Variants in ZBTB20 observed in about 807,000 individuals in gnomAD.
The protein encoded by ZBTB20 is zinc finger and BTB domain-containing protein 20.
Under a neutral mutation model 56.9 loss-of-function variants are expected in ZBTB20, and 9 were observed. The ratio of observed to expected loss-of-function variants is 0.16; its 90% CI spans 0.10 to 0.28. The LOEUF is 0.28. Ranked by LOEUF, ZBTB20 falls within the 10% of genes least tolerant of loss-of-function variation. The pLI is 1.00. For synonymous variants in ZBTB20, 417 were observed against 420.7 expected, an observed-to-expected ratio of 0.99 and a Z score of 0.11; for missense variants, 655 against 1,003.0, an observed-to-expected ratio of 0.65 and a Z score of 4.69.
At chr3:114,804,524 C>T (rs1335096057) in intron 4 of ZBTB20, among the ~76,000 whole-genome samples, 1 of 151,878 alleles carries the variant, frequency 6.6e-6, no homozygotes, top group Non-Finnish European at 1.5e-5. Flanking sequence ...TTTATTCAGA[C>T]ATTGTGCAGA....
chr3:114,688,140 G>C (rs2062462707), intron 6 of ZBTB20: 1 of 152,110 alleles, frequency 6.6e-6, no homozygotes, highest in South Asian at 2.1e-4. Context: ...TAAGGCACAA[G>C]AATCACTTGA....
chr3:114,510,025 C>T (rs1295045022), intron 6 of ZBTB20, among the ~76,000 whole-genome samples: 3 of 152,046 alleles, frequency 2.0e-5, no homozygotes, highest in Non-Finnish European at 2.9e-5. Flanking sequence ...GCAGGGAACC[C>T]GCAGCAGTCT....
In ZBTB20 at chr3:114,330,444, C is replaced by T. The variant is rs548006882; in HGVS notation, c.*8561G>A. ...TATGTCCTAGGTTTCAGAAATACTG[C>T]AATGTAGTGTATTGTAGTTAAGTAA... On this transcript the variant is annotated 3_prime_UTR_variant, in exon 12 of 12. Coordinates refer to ENST00000675478, the MANE Select transcript of ZBTB20 (RefSeq NM_001348800.3). 6.6e-6 allele frequency: 1 copy of T among 152,186 alleles called. No individual in the cohort carries two copies. The highest frequency in any genetic ancestry group is 2.1e-4 in the South Asian group (1 of 4,808). 9.4% of individuals were successfully genotyped at this position (152,186 alleles called of 1,614,324 possible). A position where few individuals can be genotyped will look rare whatever the true frequency, so the allele number is the denominator to read the frequency against.
In ZBTB20 at chr3:114,351,323, A is replaced by G. The variant is rs2080651935; in HGVS notation, c.755T>C (p.Met252Thr). ...AGAGCGCTCGCCGCTGCCATTCTGC[A>G]TGGAGCACGCGTAGAGTGCCGAGTA... Reference protein sequence around the residue: ...RIYSALYACSMQNGSGERSFY... With the variant: ...RIYSALYACSTQNGSGERSFY... The change falls in exon 11 of 12, where the codon ATG (methionine) becomes ACG (threonine). Residue 252 changes from methionine (M) to threonine (T), a missense_variant. Met to Thr is a moderately conservative substitution (Grantham distance 81). This residue lies in a region of ZBTB20 where 167 missense variants were observed against 281.9 expected (regional missense o/e 0.59). Transcript: ENST00000675478. 1.2e-6 allele frequency: 2 copies of G among 1,607,552 alleles called. No homozygotes were observed. The highest frequency in any genetic ancestry group is 8.5e-7 in the Non-Finnish European group (1 of 1,178,964).
chr3:114,913,915 T>C (rs899948119), intron 3 of ZBTB20, among the ~76,000 whole-genome samples: 3 of 151,948 alleles, frequency 2.0e-5, no homozygotes, highest in Non-Finnish European at 4.4e-5. Flanking sequence ...TGCTTCTGGG[T>C]TCTCTATTCT....
At chr3:114,520,521 G>T (rs573505773) in intron 6 of ZBTB20, among the ~76,000 whole-genome samples, 1 of 152,266 alleles carries the variant, frequency 6.6e-6, no homozygotes, top group South Asian at 2.1e-4. Context: ...TGGTTTGAGG[G>T]ATGAGTGGGA....
chr3:114,947,559 G>A (rs2076925458), intron 3 of ZBTB20, among the ~76,000 whole-genome samples: 1 of 145,874 alleles, frequency 6.9e-6, no homozygotes, highest in Non-Finnish European at 1.5e-5. Flanking sequence ...CAGAAACAGA[G>A]ACAAATGTCC....
At chr3:114,636,507 C>T (rs922075915) in intron 6 of ZBTB20, among the ~76,000 whole-genome samples, 11 of 151,878 alleles carry the variant, frequency 7.2e-5, no homozygotes, top group African/African-American at 1.9e-4. Flanking sequence ...TATAAAAAGA[C>T]GTAAATTGTG....
intron 6 of ZBTB20, among the ~76,000 whole-genome samples, chr3:114,666,604 A>T (rs555657020): frequency 6.6e-6 from 1 of 152,158 alleles, no homozygotes; most frequent in Admixed American, 6.6e-5. Flanking sequence ...AGAATCTAAG[A>T]ACAGTGATCC....
chr3:114,921,004 A>G (rs1440045109), intron 3 of ZBTB20, among the ~76,000 whole-genome samples: 1 of 152,248 alleles, frequency 6.6e-6, no homozygotes. Flanking sequence ...ATAAGTTCCT[A>G]GAAACATATA....
chr3:114,930,974 A>T (rs2076337591), intron 3 of ZBTB20: 1 of 177,826 alleles, frequency 5.6e-6, no homozygotes, highest in Non-Finnish European at 1.3e-5. Context: ...TTACCAGTAG[A>T]ATTACCAGAA....
intron 3 of ZBTB20, among the ~76,000 whole-genome samples, chr3:114,967,283 G>A (rs941052761): frequency 2.6e-5 from 4 of 151,932 alleles, no homozygotes; most frequent in Non-Finnish European, 5.9e-5. Context: ...GTTATACTTG[G>A]TGTTATTTTC....
chr3:114,887,367 A>G (rs2076639921), intron 4 of ZBTB20, among the ~76,000 whole-genome samples: 1 of 152,184 alleles, frequency 6.6e-6, no homozygotes, highest in South Asian at 2.1e-4. Flanking sequence ...AGTCCCCAAA[A>G]TTTCATGTTC....
At chr3:114,837,274 C>T (rs932346717) in intron 4 of ZBTB20, among the ~76,000 whole-genome samples, 1 of 152,188 alleles carries the variant, frequency 6.6e-6, no homozygotes, top group African/African-American at 2.4e-5. Context: ...TGAGTATGCA[C>T]ATGTACCTGT....
intron 4 of ZBTB20, among the ~76,000 whole-genome samples, chr3:114,847,151 C>T (rs1047984872): frequency 8.5e-5 from 13 of 152,076 alleles, no homozygotes; most frequent in Non-Finnish European, 1.3e-4. Context: ...ATAAAGGAAT[C>T]GGACTAATTT....
intron 6 of ZBTB20, among the ~76,000 whole-genome samples, chr3:114,501,069 G>A (rs2043894930): frequency 1.3e-5 from 2 of 152,158 alleles, no homozygotes; most frequent in Non-Finnish European, 2.9e-5. Flanking sequence ...ATACATTCGT[G>A]TGTAGCTAAG....
At chr3:114,845,411 C>T (rs528624036) in intron 4 of ZBTB20, among the ~76,000 whole-genome samples, 56 of 149,856 alleles carry the variant, frequency 3.7e-4, no homozygotes, top group African/African-American at 1.2e-3. Flanking sequence ...GAACCTGATG[C>T]TCTCTCTCTA....
At chr3:114,742,249 T>C (rs534769629) in intron 5 of ZBTB20, among the ~76,000 whole-genome samples, 2 of 152,252 alleles carry the variant, frequency 1.3e-5, no homozygotes, top group Admixed American at 1.3e-4. Flanking sequence ...TAAAATATCA[T>C]AATAAAGGTT....
At position 114,318,093 on chromosome 3, in the gene ZBTB20, T is replaced by C. The variant is rs1272745921; in HGVS notation, c.*20912A>G. On this transcript the variant is annotated 3_prime_UTR_variant, in exon 12 of 12. Coordinates refer to ENST00000675478, the MANE Select transcript of ZBTB20 (RefSeq NM_001348800.3). ...CCCTTTTCCCTTCCCTCCAGCCAAA[T>C]GATTTTTTAAAAAAATCACAGTTTT... 6.6e-6 allele frequency: 1 copy of C among 152,226 alleles called. No homozygotes were observed. The highest frequency in any genetic ancestry group is 1.5e-5 in the Non-Finnish European group (1 of 68,048). The allele number at this position is 152,226 out of a possible 1,614,324, so 9.4% of individuals were successfully genotyped here. A position where few individuals can be genotyped will look rare whatever the true frequency, so the allele number is the denominator to read the frequency against.
Sources: gnomAD v4.1 joint callset for allele counts (sites outside exome capture counted in the v4.1 genomes callset) on GRCh38, gnomAD v4.1.1 for gene constraint, gnomAD v4.1.1 regional missense constraint, MANE v1.5 for transcripts, NCBI Gene and HGNC (gene_info 2026-07-23, HGNC 2026-07-21) for gene names.